FAT4: variants seen among roughly 807,000 people sequenced by gnomAD.
FAT4 encodes protocadherin Fat 4.
Under a neutral mutation model 303.9 loss-of-function variants are expected in FAT4, and 84 were observed. The ratio of observed to expected loss-of-function variants is 0.28; its 90% CI spans 0.23 to 0.33. FAT4 has a LOEUF of 0.33. Ranked by LOEUF, FAT4 falls within the 10% of genes least tolerant of loss-of-function variation. FAT4 has a pLI of 1.00. For missense variants in FAT4, 6,005 were observed against 6,146.8 expected, an observed-to-expected ratio of 0.98 and a Z score of 0.77; for synonymous variants, 2,307 against 2,298.8, an observed-to-expected ratio of 1.00 and a Z score of -0.10.
chr4:125,344,695 A>G (rs1731930209), intron 2 of FAT4, among the ~76,000 whole-genome samples: 1 of 151,992 alleles, frequency 6.6e-6, no homozygotes, highest in Admixed American at 6.6e-5. Flanking sequence ...CCCTGATGAA[A>G]AAAATCTTTG....
chr4:125,444,630 T>A (rs987946054), intron 8 of FAT4, among the ~76,000 whole-genome samples: 4 of 151,486 alleles, frequency 2.6e-5, no homozygotes, highest in Non-Finnish European at 4.4e-5. Context: ...TAATACACCA[T>A]GGTCTTGGCA....
At position 125,449,646 on chromosome 4, in the gene FAT4, A is replaced by G. The variant is rs781160819; in HGVS notation, c.8636A>G (p.Tyr2879Cys). Reference sequence around the variant, plus strand: ...GCTCCAAGATTTAGCAGAACTTCCTATTATTTAGATTGCCCTGAACTTACT... The same window carrying G: ...GCTCCAAGATTTAGCAGAACTTCCTGTTATTTAGATTGCCCTGAACTTACT... ...DNAPRFSRTS[Y>C]YLDCPELTEI... The change falls in exon 10 of 18, where the codon TAT becomes TGT. Residue 2879 changes from tyrosine (Y) to cysteine (C), a missense_variant. Transcript: ENST00000394329. 22 of 1,613,854 alleles carry G rather than the reference A, an allele frequency of 1.4e-5. No homozygotes were observed. The African/African-American group carries it at 1.7e-4, about 13-fold the overall frequency.
In FAT4 at chr4:125,329,435, T is replaced by A. The variant is rs143235002; in HGVS notation, c.5175+7849T>A. ...CTTCCGAGTCATCATATTCTGTGAC[T>A]TTTTACCCTTTTTTATTTCTTGGAC... On this transcript the variant is annotated intron_variant, in intron 2 of 17. Coordinates refer to ENST00000394329, the MANE Select transcript of FAT4 (RefSeq NM_001291303.3). 9.8e-5 allele frequency among the ~76,000 whole-genome samples: 15 copies of A among 152,342 alleles called. No individual in the cohort carries two copies. In the East Asian group the frequency reaches 2.9e-3, roughly 29 times the overall value.
Position 125,451,562 on chromosome 4 carries a change from G to A in FAT4, c.10552G>A (p.Glu3518Lys). The A allele has an allele frequency of 6.2e-7, 1 of 1,614,150 alleles. No individual in the cohort carries two copies. Among genetic ancestry groups the A allele is most frequent in the Non-Finnish European group, 8.5e-7 (1 of 1,180,028 alleles). ...GCCCATGCTGACTGTCAGTGAAGGA[G>A]AAGTCATGGAAAACAAACGGCCAGG... is the stretch of plus-strand genomic sequence containing the variant. ...NGPMLTVSEG[E>K]VMENKRPGTL... Residue 3518 changes from glutamate (E) to lysine (K), a missense_variant, in exon 10 of 18, where the codon GAA becomes AAA. Glu to Lys is a moderately conservative substitution (Grantham distance 56). Transcript: ENST00000394329.
chr4:125,455,281 C>G (rs1243235610), intron 10 of FAT4, among the ~76,000 whole-genome samples: 1 of 152,142 alleles, frequency 6.6e-6, no homozygotes, highest in Non-Finnish European at 1.5e-5. Flanking sequence ...AACAAAGGCA[C>G]CATTTGCTGA....
intron 15 of FAT4, among the ~76,000 whole-genome samples, chr4:125,480,622 A>G (rs981206475): frequency 6.6e-6 from 1 of 152,154 alleles, no homozygotes; most frequent in African/African-American, 2.4e-5. Flanking sequence ...ATAGAAATGC[A>G]TAATAAAATT....
Position 125,491,382 on chromosome 4 carries a change from G to A in FAT4, c.14566G>A (p.Glu4856Lys), listed in dbSNP as rs1727634468. ...SHESFTCSEMEYDREKPMVYT... is the reference protein window; with the variant it reads ...SHESFTCSEMKYDREKPMVYT... Reference sequence around the variant, plus strand: ...TGAATCTTTCACTTGCTCAGAAATGGAATATGACAGGGAGAAGCCAATGGT... The same window carrying A: ...TGAATCTTTCACTTGCTCAGAAATGAAATATGACAGGGAGAAGCCAATGGT... Residue 4856 changes from glutamate to lysine, a missense_variant, in exon 18 of 18, where the codon GAA becomes AAA. Physicochemically the swap from Glu to Lys is moderately conservative, Grantham distance 56. Transcript: ENST00000394329. 6.2e-7 allele frequency: 1 copy of A among 1,614,028 alleles called. No homozygotes were observed. Among genetic ancestry groups the A allele is most frequent in the Non-Finnish European group, 8.5e-7 (1 of 1,180,048 alleles).
intron 2 of FAT4, among the ~76,000 whole-genome samples, chr4:125,388,868 G>C (rs1036385915): frequency 1.3e-5 from 2 of 152,112 alleles, no homozygotes; most frequent in Non-Finnish European, 2.9e-5. Flanking sequence ...AGCCATTCTT[G>C]TCACTCCTGG....
intron 2 of FAT4, among the ~76,000 whole-genome samples, chr4:125,368,351 C>A (rs1370865447): frequency 6.6e-6 from 1 of 151,652 alleles, no homozygotes; most frequent in Admixed American, 6.6e-5. Flanking sequence ...ACAGTTTATG[C>A]AGTTAGAATA....
intron 2 of FAT4, among the ~76,000 whole-genome samples, chr4:125,325,692 A>G (rs778558023): frequency 1.3e-5 from 2 of 152,216 alleles, no homozygotes; most frequent in Non-Finnish European, 2.9e-5. Flanking sequence ...TTGAGTCTAG[A>G]TTTGATAAAA....
At chr4:125,356,597 A>G (rs1342996632) in intron 2 of FAT4, among the ~76,000 whole-genome samples, 1 of 134,164 alleles carries the variant, frequency 7.5e-6, no homozygotes, top group East Asian at 2.1e-4. Context: ...ATGTTTAGGT[A>G]TTTCAGAGTG....
At position 125,468,591 on chromosome 4, in the gene FAT4, C is replaced by T. The variant is rs1202609839; in HGVS notation, c.11985C>T (p.Pro3995=). The change falls in exon 12 of 18, where the codon CCC becomes CCT. Residue 3995 remains proline, a synonymous_variant. Transcript: ENST00000394329. ...LSYMEFPSLD[P]NNNYIYVKFA... ...ACATGGAATTTCCAAGCTTGGACCC[C>T]AATAACAACTATATTTATGTCAAAT... 3.1e-6 allele frequency: 5 copies of T among 1,613,958 alleles called. No homozygotes were observed. Among genetic ancestry groups the T allele is most frequent in the Non-Finnish European group, 4.2e-6 (5 of 1,179,948 alleles).
intron 2 of FAT4, among the ~76,000 whole-genome samples, chr4:125,380,412 T>G (rs1050667054): frequency 6.6e-6 from 1 of 152,142 alleles, no homozygotes; most frequent in Non-Finnish European, 1.5e-5. Context: ...AATGTAGAGG[T>G]GTTTTGGCAG....
Position 125,451,918 on chromosome 4 carries a change from C to T in FAT4, c.10908C>T (p.Gly3636=). 1.9e-6 allele frequency: 3 copies of T among 1,614,108 alleles called. No homozygotes were observed. The highest frequency in any genetic ancestry group is 1.7e-6 in the Non-Finnish European group (2 of 1,180,008). ...ACTTGTTTCCCGGTGGGATTTTAGGCTCTGTGAAGCCACAGGATCCAGATG... is the reference window on the plus strand; with the variant it reads ...ACTTGTTTCCCGGTGGGATTTTAGGTTCTGTGAAGCCACAGGATCCAGATG... ...YGNLFPGGIL[G]SVKPQDPDVL... The change falls in exon 10 of 18, where the codon GGC becomes GGT. Residue 3636 remains glycine, a synonymous_variant. Transcript: ENST00000394329.
intron 2 of FAT4, among the ~76,000 whole-genome samples, chr4:125,388,995 G>T (rs1733875307): frequency 6.6e-6 from 1 of 152,092 alleles, no homozygotes; most frequent in Admixed American, 6.6e-5. Flanking sequence ...AGAGATTAAT[G>T]TAATTACTTT....
chr4:125,350,170 G>C (rs999192335), intron 2 of FAT4, among the ~76,000 whole-genome samples: 1 of 151,640 alleles, frequency 6.6e-6, no homozygotes, highest in African/African-American at 2.4e-5. Flanking sequence ...TTAAAGTGCA[G>C]CAATTCATGC....
At chr4:125,475,876 G>C (rs201598358) in intron 12 of FAT4, among the ~76,000 whole-genome samples, 1 of 152,116 alleles carries the variant, frequency 6.6e-6, no homozygotes, top group South Asian at 2.1e-4. Context: ...TTCTAAAAAA[G>C]ATTAACGGCA....
intron 2 of FAT4, among the ~76,000 whole-genome samples, chr4:125,337,269 T>C (rs1379523343): frequency 6.6e-6 from 1 of 152,098 alleles, no homozygotes; most frequent in Non-Finnish European, 1.5e-5. Context: ...ACAGTATTTT[T>C]GAAGGATGTA....
At chr4:125,396,075 TA>T (rs767340863) in intron 2 of FAT4, among the ~76,000 whole-genome samples, 1 of 152,178 alleles carries the variant, frequency 6.6e-6, no homozygotes, top group Non-Finnish European at 1.5e-5. Flanking sequence ...AGCTGTAGCA[TA>T]TATTTTAAAA....
Sources: gnomAD v4.1 joint callset for allele counts (sites outside exome capture counted in the v4.1 genomes callset) on GRCh38, gnomAD v4.1.1 for gene constraint, MANE v1.5 for transcripts, NCBI Gene and HGNC (gene_info 2026-07-23, HGNC 2026-07-21) for gene names.